Variants in MTREX observed in about 807,000 individuals in gnomAD.
MTREX encodes the protein exosome RNA helicase MTR4.
MTREX carries 76 observed loss-of-function variants against 135.4 expected under a neutral mutation model. That is an observed-to-expected ratio of 0.56 (90% CI 0.47 to 0.68). MTREX has a LOEUF of 0.68. Among genes scored for constraint, MTREX ranks in the 30% least tolerant of loss-of-function variants. The probability of loss-of-function intolerance (pLI) is 0.00; values close to 1 mark genes in which losing one functional copy is unlikely to be tolerated. For missense variants in MTREX, 920 were observed against 1,262.1 expected, an observed-to-expected ratio of 0.73 and a Z score of 4.11; for synonymous variants, 404 against 401.6, an observed-to-expected ratio of 1.01 and a Z score of -0.07.
intron 16 of MTREX, among the ~76,000 whole-genome samples, chr5:55,371,424 C>T (rs1750195310): frequency 6.6e-6 from 1 of 151,994 alleles, no homozygotes; most frequent in Non-Finnish European, 1.5e-5. Flanking sequence ...TTTTTGCAAC[C>T]ACCATCTCTC....
rs1201184416 is a variant in MTREX at position 55,392,643 on chromosome 5, A to G, written c.2181+4541A>G. 4.6e-5 allele frequency among the ~76,000 whole-genome samples: 7 copies of G among 151,882 alleles called. No individual in the cohort carries two copies. The East Asian group carries it at 1.4e-3, about 29-fold the overall frequency. On this transcript the variant is annotated intron_variant, in intron 19 of 26. Transcript: ENST00000230640. The stretch of plus-strand genomic sequence containing the variant: ...CCTCAGCTAGGCAGTTAACAACATT[A>G]CCTTAGCCGCTTCCTGGATGTACAG...
At chr5:55,309,511 A>G (rs1749070560) in intron 1 of MTREX, among the ~76,000 whole-genome samples, 1 of 152,190 alleles carries the variant, frequency 6.6e-6, no homozygotes, top group Admixed American at 6.5e-5. Flanking sequence ...TGTTAAGGAA[A>G]AAATGGACAG....
intron 25 of MTREX, among the ~76,000 whole-genome samples, chr5:55,418,244 AAAG>A (rs1238941928): frequency 2.0e-5 from 3 of 150,468 alleles, no homozygotes; most frequent in Non-Finnish European, 3.0e-5. Context: ...AAAAAAAAAA[AAAG>A]AAAAAAAGAA....
chr5:55,417,418 A>G (rs1036034724), intron 25 of MTREX, among the ~76,000 whole-genome samples: 1 of 152,226 alleles, frequency 6.6e-6, no homozygotes, highest in Admixed American at 6.5e-5. Context: ...CTCTGTAACT[A>G]CATGTAAGTT....
intron 1 of MTREX, among the ~76,000 whole-genome samples, chr5:55,318,016 AAAAG>A (rs1325023935): frequency 6.6e-6 from 1 of 152,260 alleles, no homozygotes; most frequent in Non-Finnish European, 1.5e-5. Flanking sequence ...AGCATATAAA[AAAAG>A]CTCAGTATCA....
At chr5:55,396,285 A>G (rs1236002400) in intron 19 of MTREX, among the ~76,000 whole-genome samples, 1 of 152,214 alleles carries the variant, frequency 6.6e-6, no homozygotes, top group Non-Finnish European at 1.5e-5. Context: ...ATCCAAAAGT[A>G]TGATGGTAAT....
At chr5:55,372,442 T>C (rs957581118) in intron 16 of MTREX, among the ~76,000 whole-genome samples, 1 of 151,996 alleles carries the variant, frequency 6.6e-6, no homozygotes, top group African/African-American at 2.4e-5. Context: ...ATATCCTTTC[T>C]GTTTACCATG....
intron 6 of MTREX, 79 bp from the exon 7 acceptor site, chr5:55,341,602 T>C (rs554085268): frequency 1.5e-6 from 1 of 648,536 alleles, no homozygotes. Flanking sequence ...AAATTCCTTG[T>C]TGGAAAAAAC....
At chr5:55,370,459 T>G (rs1328998152) in intron 16 of MTREX, among the ~76,000 whole-genome samples, 1 of 152,186 alleles carries the variant, frequency 6.6e-6, no homozygotes. Context: ...TTAAAAGGAT[T>G]GTGAGTAACA....
intron 25 of MTREX, among the ~76,000 whole-genome samples, chr5:55,418,689 A>T (rs759483138): frequency 6.6e-6 from 1 of 152,082 alleles, no homozygotes; most frequent in African/African-American, 2.4e-5. Flanking sequence ...GGGATATACT[A>T]TGTATTCGCC....
Position 55,308,165 on chromosome 5 carries a change from G to A in MTREX, c.134+18G>A. 1 of 1,565,088 alleles carries A rather than the reference G, an allele frequency of 6.4e-7. No individual in the cohort carries two copies. The highest frequency in any genetic ancestry group is 8.6e-7 in the Non-Finnish European group (1 of 1,159,718). On this transcript the variant is annotated intron_variant, in intron 1 of 26. Transcript: ENST00000230640. ...AAGGCAGGGTAAGGAAGAAGTTCCA[G>A]TTGTTGCTTTTATTTTTTTTCTCGG...
intron 6 of MTREX, among the ~76,000 whole-genome samples, chr5:55,340,443 G>A (rs190725410): frequency 6.0e-4 from 91 of 152,152 alleles, no homozygotes; most frequent in African/African-American, 2.0e-3. Context: ...TTCTGTCAGT[G>A]ACATGAAAAT....
chr5:55,315,881 G>A (rs2112022533), intron 1 of MTREX, among the ~76,000 whole-genome samples: 1 of 147,842 alleles, frequency 6.8e-6, no homozygotes, highest in African/African-American at 2.5e-5. Context: ...AAAAAAACCT[G>A]TGGAACGCTC....
chr5:55,345,699 C>G (rs1749721730), intron 10 of MTREX, among the ~76,000 whole-genome samples: 1 of 145,452 alleles, frequency 6.9e-6, no homozygotes, highest in Non-Finnish European at 1.5e-5. Flanking sequence ...CAGTGTCTCG[C>G]TCTGTCACCC....
intron 16 of MTREX, 39 bp from the exon 17 acceptor site, chr5:55,378,275 G>A: frequency 1.9e-6 from 3 of 1,538,802 alleles, no homozygotes; most frequent in Non-Finnish European, 2.6e-6. Context: ...TAAATAAGAT[G>A]TATAACCTTT....
intron 1 of MTREX, among the ~76,000 whole-genome samples, chr5:55,313,462 C>T (rs946498214): frequency 6.6e-6 from 1 of 152,008 alleles, no homozygotes; most frequent in African/African-American, 2.4e-5. Flanking sequence ...AGAAAATCCT[C>T]ATTCCTGCTG....
chr5:55,355,642 A>G (rs1749899390), intron 14 of MTREX, among the ~76,000 whole-genome samples: 1 of 152,186 alleles, frequency 6.6e-6, no homozygotes, highest in Non-Finnish European at 1.5e-5. Context: ...CTGTTGCCCT[A>G]CCACCAGAGC....
rs193146323 is a variant in MTREX, at chr5:55,330,145, C to G, written c.515+1334C>G. On this transcript the variant is annotated intron_variant, in intron 5 of 26. Coordinates refer to ENST00000230640, the MANE Select transcript of MTREX (RefSeq NM_015360.5). ...CCAGGTTGGAGTGCAGTGGCACAAA[C>G]AGAGCTCATTTGCATTCTCAAACTT... Among the ~76,000 whole-genome samples the G allele has an allele frequency of 3.7e-4, 56 of 152,130 alleles. 1 individual carries two copies. The highest frequency in any genetic ancestry group is 1.3e-3 in the African/African-American group (53 of 41,542).
chr5:55,373,648 A>G (rs1750243556), intron 16 of MTREX, among the ~76,000 whole-genome samples: 1 of 152,162 alleles, frequency 6.6e-6, no homozygotes. Flanking sequence ...ATCAGACATA[A>G]AGAGGAAGTT....
Sources: allele counts gnomAD v4.1 joint callset (sites outside exome capture counted in the v4.1 genomes callset), GRCh38; gene constraint gnomAD v4.1.1; transcripts MANE v1.5; gene names NCBI Gene and HGNC (gene_info 2026-07-23, HGNC 2026-07-21).